SERPINA12: variants seen among roughly 807,000 people sequenced by gnomAD.
The protein encoded by SERPINA12 is serpin A12.
A neutral mutation model predicts 25.9 loss-of-function variants in SERPINA12; 21 were observed. The observed-to-expected ratio is 0.81, with a 90% CI of 0.58 to 1.17. The LOEUF is 1.17. SERPINA12 is among the 50% of genes most tolerant of loss of function. SERPINA12 has a pLI of 0.00. For missense variants in SERPINA12, 562 were observed against 508.3 expected (o/e 1.11, Z -1.02); for synonymous variants, 220 against 196.0 (o/e 1.12, Z -1.02).
At chr14:94,504,855 G>A (rs1458162088) in intron 1 of SERPINA12, among the ~76,000 whole-genome samples, 2 of 152,088 alleles carry the variant, frequency 1.3e-5, no homozygotes, top group East Asian at 1.9e-4. Context: ...TTTCCAAATT[G>A]TCTTTAAAAA....
At chr14:94,507,008 C>T (rs1900952398) in intron 1 of SERPINA12, among the ~76,000 whole-genome samples, 1 of 152,204 alleles carries the variant, frequency 6.6e-6, no homozygotes, top group African/African-American at 2.4e-5. Flanking sequence ...CAGGAAGTCA[C>T]CTGATATGTG....
intron 2 of SERPINA12, among the ~76,000 whole-genome samples, chr14:94,515,614 G>C (rs965409456): frequency 1.3e-5 from 2 of 152,168 alleles, no homozygotes; most frequent in African/African-American, 4.8e-5. Flanking sequence ...GCCAGGTTCT[G>C]TGCTCAAGGA....
At chr14:94,488,510 A>G (rs1001518123) in intron 4 of SERPINA12, among the ~76,000 whole-genome samples, 2 of 152,080 alleles carry the variant, frequency 1.3e-5, no homozygotes, top group African/African-American at 4.8e-5. Flanking sequence ...GCCAGGTGAA[A>G]TACAGGACAT....
chr14:94,509,596 G>A (rs1413664510), upstream of SERPINA12, among the ~76,000 whole-genome samples: 2 of 152,140 alleles, frequency 1.3e-5, no homozygotes, highest in Non-Finnish European at 2.9e-5. Flanking sequence ...GCCCTGCCAA[G>A]TGTCTCACTC....
upstream of SERPINA12, chr14:94,511,337 T>G (rs1901104764): frequency 2.2e-6 from 2 of 894,886 alleles, no homozygotes; most frequent in South Asian, 1.0e-4. Context: ...AAGCTGAGGT[T>G]TGGGATAGTG....
rs969535077 is a variant in SERPINA12 at position 94,489,674 on chromosome 14, C to T, written c.999G>A (p.Glu333=). 8 of 1,614,070 alleles carry T rather than the reference C, an allele frequency of 5.0e-6. No homozygotes were observed. The highest frequency in any genetic ancestry group is 4.4e-5 in the South Asian group (4 of 91,086). The change falls in exon 4 of 5, where the codon GAG becomes GAA. Residue 333 remains glutamate, a synonymous_variant. Coordinates refer to ENST00000677451, the MANE Select transcript of SERPINA12 (RefSeq NM_001382267.1). The part of the protein sequence containing the change: ...LSYIGVSKIF[E]EHGDLTKIAP... The stretch of plus-strand genomic sequence containing the variant: ...CGATCTTGGTGAGATCACCATGTTC[C>T]TCAAAGATTTTGGAGACACCTATGT...
At chr14:94,493,435 T>C (rs546527389) in intron 3 of SERPINA12, among the ~76,000 whole-genome samples, 5 of 151,978 alleles carry the variant, frequency 3.3e-5, no homozygotes, top group Admixed American at 1.3e-4. Flanking sequence ...GCCCTCCTGG[T>C]GGGGAGGCCT....
At chr14:94,516,318 T>C (rs1192251346) in intron 1 of SERPINA12, among the ~76,000 whole-genome samples, 4 of 151,926 alleles carry the variant, frequency 2.6e-5, no homozygotes, top group Non-Finnish European at 4.4e-5. Flanking sequence ...TGGGTATGAG[T>C]TGGGGCAGAA....
At chr14:94,507,845 G>A (rs1421240109) in intron 1 of SERPINA12, among the ~76,000 whole-genome samples, 1 of 152,202 alleles carries the variant, frequency 6.6e-6, no homozygotes, top group East Asian at 1.9e-4. Flanking sequence ...CAGGGTATAT[G>A]CCCAACAGGA....
intron 1 of SERPINA12, chr14:94,501,172 G>T (rs1900704618): frequency 4.1e-6 from 4 of 985,322 alleles, no homozygotes; most frequent in Admixed American, 6.1e-5. Flanking sequence ...GGTTTAGGGG[G>T]CTGCACTGTT....
At chr14:94,500,667 A>T (rs1282776666) in intron 1 of SERPINA12, among the ~76,000 whole-genome samples, 2 of 152,092 alleles carry the variant, frequency 1.3e-5, no homozygotes, top group African/African-American at 4.8e-5. Context: ...GCAGGCAGGG[A>T]CTAACAGCAA....
At chr14:94,497,709 A>G (rs1205192971) in intron 2 of SERPINA12, 55 bp downstream of exon 2, 1 of 1,518,680 alleles carries the variant, frequency 6.6e-7, no homozygotes, top group African/African-American at 1.4e-5. Context: ...CAGGTTTTTA[A>G]CCCAAGTCTA....
rs556915916 is a variant in SERPINA12 at position 94,517,586 on chromosome 14, A to T, written c.-538T>A. 6.6e-5 allele frequency: 10 copies of T among 152,188 alleles called. No homozygotes were observed. In the East Asian group the frequency reaches 7.7e-4, roughly 12 times the overall value. 9.4% of individuals were successfully genotyped at this position (152,188 alleles called of 1,614,324 possible). A position where few individuals can be genotyped will look rare whatever the true frequency, so the allele number is the denominator to read the frequency against. On this transcript the variant is annotated 5_prime_UTR_variant, in exon 1 of 6. Coordinates refer to the SERPINA12 transcript ENST00000341228. Reference sequence around the variant, plus strand: ...TCCCATATGTTGGGCTGATATTTTTAAAAAACCTCTCCCCACATCCCCAGT... The same window carrying T: ...TCCCATATGTTGGGCTGATATTTTTTAAAAACCTCTCCCCACATCCCCAGT...
At chr14:94,501,353 A>G (rs1459289432) in intron 1 of SERPINA12, among the ~76,000 whole-genome samples, 2 of 152,178 alleles carry the variant, frequency 1.3e-5, no homozygotes, top group Non-Finnish European at 2.9e-5. Flanking sequence ...CGGGCAGGGC[A>G]GGGCTGGAGC....
chr14:94,509,896 C>T, upstream of SERPINA12: 1 of 824,314 alleles, frequency 1.2e-6, no homozygotes, highest in Non-Finnish European at 1.5e-6. Context: ...AGATTCCTTC[C>T]CTGGGACAGG....
chr14:94,512,570 A>T (rs1901138482), upstream of SERPINA12, among the ~76,000 whole-genome samples: 1 of 152,190 alleles, frequency 6.6e-6, no homozygotes, highest in African/African-American at 2.4e-5. Context: ...CATCCAAGTC[A>T]CACTCTGCTC....
rs1264660783 is a variant in SERPINA12, at chr14:94,489,741, A to T, written c.932T>A (p.Leu311His). 6.8e-6 allele frequency: 11 copies of T among 1,614,150 alleles called. No homozygotes were observed. Among genetic ancestry groups the T allele is most frequent in the South Asian group, 1.1e-5 (1 of 91,082 alleles). ...RRVVDVSVPR[L>H]HMTGTFDLKK... The stretch of plus-strand genomic sequence containing the variant: ...CAGGTCGAAGGTGCCCGTCATGTGG[A>T]GTCTGGGTACAGACACGTCTACGAC... Residue 311 changes from leucine to histidine, a missense_variant, in exon 4 of 5, where the codon CTC becomes CAC. Transcript: ENST00000677451.
intron 1 of SERPINA12, among the ~76,000 whole-genome samples, chr14:94,508,656 C>T (rs990191666): frequency 7.9e-5 from 12 of 152,010 alleles, no homozygotes; most frequent in South Asian, 6.2e-4. Context: ...CTTTTTGCAA[C>T]GTGTTAAAAC....
chr14:94,512,280 T>C (rs1467343529), upstream of SERPINA12, among the ~76,000 whole-genome samples: 1 of 152,182 alleles, frequency 6.6e-6, no homozygotes, highest in African/African-American at 2.4e-5. Context: ...GCACAGGTCC[T>C]ACAGCCACAG....
Sources: gnomAD v4.1 joint callset for allele counts (sites outside exome capture counted in the v4.1 genomes callset) on GRCh38, gnomAD v4.1.1 for gene constraint, MANE v1.5 for transcripts, NCBI Gene and HGNC (gene_info 2026-07-23, HGNC 2026-07-21) for gene names.